The following HEXIM1 variants were observed in gnomAD, a reference collection of about 807,000 sequenced individuals.
The protein encoded by HEXIM1 is protein HEXIM1.
Under a neutral mutation model 30.3 loss-of-function variants are expected in HEXIM1, and 1 was observed. That is an observed-to-expected ratio of 0.03 (90% confidence interval 0.01 to 0.16). HEXIM1 has a LOEUF of 0.16. HEXIM1 is among the 10% of genes least tolerant of loss of function. The pLI, the probability that HEXIM1 is intolerant of heterozygous loss-of-function variation, is 1.00. For synonymous variants in HEXIM1, 245 were observed against 208.3 expected (o/e 1.18, Z -1.52); for missense variants, 391 against 476.4 (o/e 0.82, Z 1.67).
chr17:45,148,870 A>T lies in HEXIM1; in HGVS notation c.-321A>T, dbSNP rs917353981. On this transcript the variant is annotated 5_prime_UTR_variant, in exon 1 of 1. Transcript: ENST00000332499. The stretch of plus-strand genomic sequence containing the variant: ...CTTACCCTCATCACCTTGCTCACCA[A>T]CTCCTTTATTGGGGTGCTCCGCTTG... 2.3e-6 allele frequency: 1 copy of T among 433,740 alleles called. No individual in the cohort carries two copies. The highest frequency in any genetic ancestry group is 4.1e-6 in the Non-Finnish European group (1 of 246,204). The allele number at this position is 433,740 out of a possible 1,614,324, so 26.9% of individuals were successfully genotyped here. A position where few individuals can be genotyped will look rare whatever the true frequency, so the allele number is the denominator to read the frequency against.
chr17:45,148,788 C>A lies in HEXIM1; in HGVS notation c.-403C>A. On this transcript the variant is annotated 5_prime_UTR_variant, in exon 1 of 1. Transcript: ENST00000332499. ...TTAACCCTTTGTGGATCTGGCCCCT[C>A]GGAGGCAGCGTCATCGGTAGTTTTA... 2.5e-6 allele frequency: 1 copy of A among 402,990 alleles called. No individual in the cohort carries two copies. Among genetic ancestry groups the A allele is most frequent in the South Asian group, 1.1e-4 (1 of 8,704 alleles). The allele number at this position is 402,990 out of a possible 1,614,324, so 25.0% of individuals were successfully genotyped here.
In HEXIM1 at chr17:45,149,094, GTTTT is replaced by G. The variant is rs1338554428; in HGVS notation, c.-90_-87del. The G allele has an allele frequency of 7.5e-6, 8 of 1,072,538 alleles. No individual in the cohort carries two copies. Among genetic ancestry groups the G allele is most frequent in the Non-Finnish European group, 1.0e-5 (8 of 783,638 alleles). 66.4% of individuals were successfully genotyped at this position (1,072,538 alleles called of 1,614,324 possible). On this transcript the variant is annotated 5_prime_UTR_variant, in exon 1 of 1. Coordinates refer to ENST00000332499, the MANE Select transcript of HEXIM1 (RefSeq NM_006460.3). The surrounding 1 kb of genome is among the most constrained non-coding windows in gnomAD (Gnocchi z 5.3). ...AAACTGAAGAGGACTCTGTTGGACTGTTTTTTTTTTCTTTTTCTTTTTTTTAAGA... is the reference window on the plus strand; with the variant it reads ...AAACTGAAGAGGACTCTGTTGGACTGTTTTTTCTTTTTCTTTTTTTTAAGA...
At position 45,150,425 on chromosome 17, in the gene HEXIM1, T is replaced by G; in HGVS notation, c.*155T>G. On this transcript the variant is annotated 3_prime_UTR_variant, in exon 1 of 1. Coordinates refer to ENST00000332499, the MANE Select transcript of HEXIM1 (RefSeq NM_006460.3). ...TTGGTTTCGTAAATTTAGCTATATG[T>G]AGCTTGCGTGCTTTCTCCTGTTCTT... 5 of 763,380 alleles carry G rather than the reference T, an allele frequency of 6.5e-6. No homozygotes were observed. Among genetic ancestry groups the G allele is most frequent in the South Asian group, 2.0e-5 (1 of 49,696 alleles). 47.3% of individuals were successfully genotyped at this position (763,380 alleles called of 1,614,324 possible).
At position 45,149,081 on chromosome 17, in the gene HEXIM1, AC is replaced by A. The variant is rs1273374430; in HGVS notation, c.-109del. 3.7e-4 allele frequency: 410 copies of A among 1,095,394 alleles called. No homozygotes were observed. Among genetic ancestry groups the A allele is most frequent in the Non-Finnish European group, 5.0e-4 (390 of 773,942 alleles). The allele number at this position is 1,095,394 out of a possible 1,614,324, so 67.9% of individuals were successfully genotyped here. ...CTGCAGGAATTACAAACTGAAGAGG[AC>A]TCTGTTGGACTGTTTTTTTTTTCTT... On this transcript the variant is annotated 5_prime_UTR_variant, in exon 1 of 1. Coordinates refer to ENST00000332499, the MANE Select transcript of HEXIM1 (RefSeq NM_006460.3). The surrounding 1 kb of genome is among the most constrained non-coding windows in gnomAD (Gnocchi z 5.3).
Position 45,149,196 on chromosome 17 carries a change from C to G in HEXIM1, c.6C>G (p.Ala2=). Residue 2 remains alanine, a synonymous_variant, in exon 1 of 1, where the codon GCC becomes GCG. Coordinates refer to ENST00000332499, the MANE Select transcript of HEXIM1 (RefSeq NM_006460.3). This position sits in a 1 kb window ranked among gnomAD's most constrained non-coding sequence, Gnocchi z 5.3. M[A]EPFLSEYQHQ... is the part of the protein sequence containing the mutation. ...CTTCGAGGACTCTACTAGCCATGGCCGAGCCATTCTTGTCAGAATATCAAC... is the reference window on the plus strand; with the variant it reads ...CTTCGAGGACTCTACTAGCCATGGCGGAGCCATTCTTGTCAGAATATCAAC... 2 of 1,609,714 alleles carry G rather than the reference C, an allele frequency of 1.2e-6. No homozygotes were observed.
rs1323219016 is a variant in HEXIM1 at position 45,149,923 on chromosome 17, G to A, written c.733G>A (p.Gly245Arg). 6 of 1,613,776 alleles carry A rather than the reference G, an allele frequency of 3.7e-6. No homozygotes were observed. The highest frequency in any genetic ancestry group is 2.2e-5 in the East Asian group (1 of 44,884). Residue 245 changes from glycine (G) to arginine (R), a missense_variant, in exon 1 of 1, where the codon GGG becomes AGG. Gly to Arg is a moderately radical substitution (Grantham distance 125). Coordinates refer to ENST00000332499, the MANE Select transcript of HEXIM1 (RefSeq NM_006460.3). The surrounding 1 kb of genome is among the most constrained non-coding windows in gnomAD (Gnocchi z 5.3). ...CAGCGATGACGACTTCATGGAAGAA[G>A]GGGGTGAGGAGGATGGGGGCAGCGA... ...DTSDDDFMEE[G>R]GEEDGGSDGM...
rs1194073408 is a variant in HEXIM1 at position 45,148,495 on chromosome 17, T to C, written c.-696T>C. ...GAGACAGCAGTTGGAAGTTGGCAGG[T>C]GGAGAGGCAGGTTGGGAGGGAAAGT... On this transcript the variant is annotated 5_prime_UTR_variant, in exon 1 of 1. Transcript: ENST00000332499. 1 of 354,848 alleles carries C rather than the reference T, an allele frequency of 2.8e-6. No homozygotes were observed. The highest frequency in any genetic ancestry group is 4.8e-6 in the Non-Finnish European group (1 of 209,516). 22.0% of individuals were successfully genotyped at this position (354,848 alleles called of 1,614,324 possible).
In HEXIM1 at chr17:45,150,521, G is replaced by A. The variant is rs1361275470; in HGVS notation, c.*251G>A. ...AGAAGTTTTTTTCCTTAATGTGAAA[G>A]TAATTTGACCAAGTTATAATGCATT... On this transcript the variant is annotated 3_prime_UTR_variant, in exon 1 of 1. Coordinates refer to ENST00000332499, the MANE Select transcript of HEXIM1 (RefSeq NM_006460.3). The A allele has an allele frequency of 2.1e-6, 1 of 476,920 alleles. No individual in the cohort carries two copies. Among genetic ancestry groups the A allele is most frequent in the Non-Finnish European group, 3.8e-6 (1 of 264,398 alleles). The allele number at this position is 476,920 out of a possible 1,614,324, so 29.5% of individuals were successfully genotyped here. A position where few individuals can be genotyped will look rare whatever the true frequency, so the allele number is the denominator to read the frequency against.
chr17:45,150,434 T>A lies in HEXIM1; in HGVS notation c.*164T>A. ...TAAATTTAGCTATATGTAGCTTGCG[T>A]GCTTTCTCCTGTTCTTTTAATTATG... On this transcript the variant is annotated 3_prime_UTR_variant, in exon 1 of 1. Coordinates refer to ENST00000332499, the MANE Select transcript of HEXIM1 (RefSeq NM_006460.3). 2.9e-6 allele frequency: 2 copies of A among 696,774 alleles called. No individual in the cohort carries two copies. The highest frequency in any genetic ancestry group is 4.7e-6 in the Non-Finnish European group (2 of 422,678). 43.2% of individuals were successfully genotyped at this position (696,774 alleles called of 1,614,324 possible). A position where few individuals can be genotyped will look rare whatever the true frequency, so the allele number is the denominator to read the frequency against.
At position 45,149,348 on chromosome 17, in the gene HEXIM1, C is replaced by T. The variant is rs1180267674; in HGVS notation, c.158C>T (p.Pro53Leu). Reference protein sequence around the residue: ...EDSRWQSRAFPQLGGRPGPEG... With the variant: ...EDSRWQSRAFLQLGGRPGPEG... Reference sequence around the variant, plus strand: ...AGTAGGTGGCAATCGAGAGCGTTCCCCCAGTTGGGTGGCCGTCCGGGGCCG... The same window carrying T: ...AGTAGGTGGCAATCGAGAGCGTTCCTCCAGTTGGGTGGCCGTCCGGGGCCG... Residue 53 changes from proline (P) to leucine (L), a missense_variant, in exon 1 of 1, where the codon CCC (proline) becomes CTC (leucine). Pro to Leu is a moderately conservative substitution (Grantham distance 98, BLOSUM62 -3). Around this residue, in one of 5 missense-constraint regions of HEXIM1, gnomAD observed 230 missense variants for 199.4 expected, o/e 1.15. Transcript: ENST00000332499. The surrounding 1 kb of genome is among the most constrained non-coding windows in gnomAD (Gnocchi z 5.3). 3.1e-6 allele frequency: 5 copies of T among 1,613,414 alleles called. No homozygotes were observed. Among genetic ancestry groups the T allele is most frequent in the Middle Eastern group, 1.6e-4 (1 of 6,082 alleles).
In HEXIM1 at chr17:45,151,887, GGTGATAGGGACTTCAA is replaced by G. The variant is rs2055549773; in HGVS notation, c.*1619_*1634del. On this transcript the variant is annotated 3_prime_UTR_variant, in exon 1 of 1. Transcript: ENST00000332499. ...TTTGCAGTTAAATGGCGATGGTGGA[GGTGATAGGGACTTCAA>G]GAGTAAAATGCACCTTGTATTGCAT... The G allele has an allele frequency of 6.0e-6, 1 of 167,102 alleles. No homozygotes were observed. The highest frequency in any genetic ancestry group is 1.5e-5 in the Non-Finnish European group (1 of 68,116). The allele number at this position is 167,102 out of a possible 1,614,324, so 10.4% of individuals were successfully genotyped here.
rs1395306876 is a variant in HEXIM1 at position 45,151,864 on chromosome 17, T to A, written c.*1594T>A. 1 of 167,132 alleles carries A rather than the reference T, an allele frequency of 6.0e-6. No individual in the cohort carries two copies. Among genetic ancestry groups the A allele is most frequent in the African/African-American group, 2.4e-5 (1 of 41,472 alleles). 10.4% of individuals were successfully genotyped at this position (167,132 alleles called of 1,614,324 possible). A position where few individuals can be genotyped will look rare whatever the true frequency, so the allele number is the denominator to read the frequency against. On this transcript the variant is annotated 3_prime_UTR_variant, in exon 1 of 1. Coordinates refer to ENST00000332499, the MANE Select transcript of HEXIM1 (RefSeq NM_006460.3). ...ACCCTCCCATTAGGAAGCATGCTTT[T>A]GCAGTTAAATGGCGATGGTGGAGGT...
Position 45,149,798 on chromosome 17 carries a change from A to C in HEXIM1, c.608A>C (p.Tyr203Ser), listed in dbSNP as rs778315232. Residue 203 changes from tyrosine (Y) to serine (S), a missense_variant, in exon 1 of 1, where the codon TAT becomes TCT. Around this residue, in one of 5 missense-constraint regions of HEXIM1, gnomAD observed 30 missense variants for 88.1 expected, o/e 0.34. Transcript: ENST00000332499. This position sits in a 1 kb window ranked among gnomAD's most constrained non-coding sequence, Gnocchi z 5.3. ...GCCAAGGGCCAGCCGGTCGCGCCCTATAACACCACGCAGTTCCTCATGGAT... is the reference window on the plus strand; with the variant it reads ...GCCAAGGGCCAGCCGGTCGCGCCCTCTAACACCACGCAGTTCCTCATGGAT... ...MFAKGQPVAPYNTTQFLMDDH... is the reference protein window; with the variant it reads ...MFAKGQPVAPSNTTQFLMDDH... The C allele has an allele frequency of 6.2e-7, 1 of 1,613,816 alleles. No homozygotes were observed. Among genetic ancestry groups the C allele is most frequent in the Non-Finnish European group, 8.5e-7 (1 of 1,180,020 alleles).
chr17:45,149,935 G>A lies in HEXIM1; in HGVS notation c.745G>A (p.Asp249Asn). 1.9e-6 allele frequency: 3 copies of A among 1,613,928 alleles called. No homozygotes were observed. The highest frequency in any genetic ancestry group is 1.1e-5 in the South Asian group (1 of 91,078). Residue 249 changes from aspartate (D) to asparagine (N), a missense_variant, in exon 1 of 1, where the codon GAT becomes AAT. Coordinates refer to ENST00000332499, the MANE Select transcript of HEXIM1 (RefSeq NM_006460.3). The surrounding 1 kb of genome is among the most constrained non-coding windows in gnomAD (Gnocchi z 5.3). The stretch of plus-strand genomic sequence containing the variant: ...CTTCATGGAAGAAGGGGGTGAGGAG[G>A]ATGGGGGCAGCGATGGGATGGGAGG... ...DDFMEEGGEE[D>N]GGSDGMGGDG...
rs2144012452 is a variant in HEXIM1 at position 45,149,101 on chromosome 17, T to C, written c.-90T>C. 4 of 1,284,238 alleles carry C rather than the reference T, an allele frequency of 3.1e-6. No homozygotes were observed. Among genetic ancestry groups the C allele is most frequent in the East Asian group, 2.4e-5 (1 of 42,528 alleles). The allele number at this position is 1,284,238 out of a possible 1,614,324, so 79.6% of individuals were successfully genotyped here. A position where few individuals can be genotyped will look rare whatever the true frequency, so the allele number is the denominator to read the frequency against. On this transcript the variant is annotated 5_prime_UTR_variant, in exon 1 of 1. Coordinates refer to ENST00000332499, the MANE Select transcript of HEXIM1 (RefSeq NM_006460.3). The surrounding 1 kb of genome is among the most constrained non-coding windows in gnomAD (Gnocchi z 5.3). ...AGAGGACTCTGTTGGACTGTTTTTT[T>C]TTTCTTTTTCTTTTTTTTAAGAAAA... is the stretch of plus-strand genomic sequence containing the variant.
chr17:45,149,946 C>T lies in HEXIM1; in HGVS notation c.756C>T (p.Ser252=). Residue 252 remains serine, a synonymous_variant, in exon 1 of 1, where the codon AGC becomes AGT. Coordinates refer to ENST00000332499, the MANE Select transcript of HEXIM1 (RefSeq NM_006460.3). This position sits in a 1 kb window ranked among gnomAD's most constrained non-coding sequence, Gnocchi z 5.3. ...MEEGGEEDGG[S]DGMGGDGSEF... ...AAGGGGGTGAGGAGGATGGGGGCAG[C>T]GATGGGATGGGAGGGGACGGCAGCG... 1 of 1,613,664 alleles carries T rather than the reference C, an allele frequency of 6.2e-7. No homozygotes were observed. Among genetic ancestry groups the T allele is most frequent in the Non-Finnish European group, 8.5e-7 (1 of 1,179,954 alleles).
In HEXIM1 at chr17:45,149,270, A is replaced by T. The variant is rs2055527589; in HGVS notation, c.80A>T (p.Glu27Val). Reference sequence around the variant, plus strand: ...ACAGGTGCTGCTGCTGTCCAGGAAGAGCTGAACCCTGAGCGCCCCCCAGGC... The same window carrying T: ...ACAGGTGCTGCTGCTGTCCAGGAAGTGCTGAACCCTGAGCGCCCCCCAGGC... ...NCTGAAAVQE[E>V]LNPERPPGAE... Residue 27 changes from glutamate to valine, a missense_variant, in exon 1 of 1, where the codon GAG becomes GTG. Glu to Val is a moderately radical substitution (Grantham distance 121). Around this residue, in one of 5 missense-constraint regions of HEXIM1, gnomAD observed 230 missense variants for 199.4 expected, o/e 1.15. Transcript: ENST00000332499. This position sits in a 1 kb window ranked among gnomAD's most constrained non-coding sequence, Gnocchi z 5.3. 6.2e-7 allele frequency: 1 copy of T among 1,613,736 alleles called. No homozygotes were observed. Among genetic ancestry groups the T allele is most frequent in the Admixed American group, 1.7e-5 (1 of 60,000 alleles).
Position 45,148,515 on chromosome 17 carries a change from G to C in HEXIM1, c.-676G>C, listed in dbSNP as rs542656848. 1 of 381,938 alleles carries C rather than the reference G, an allele frequency of 2.6e-6. No individual in the cohort carries two copies. 23.7% of individuals were successfully genotyped at this position (381,938 alleles called of 1,614,324 possible). A position where few individuals can be genotyped will look rare whatever the true frequency, so the allele number is the denominator to read the frequency against. On this transcript the variant is annotated 5_prime_UTR_variant, in exon 1 of 1. Coordinates refer to ENST00000332499, the MANE Select transcript of HEXIM1 (RefSeq NM_006460.3). ...GCAGGTGGAGAGGCAGGTTGGGAGGGAAAGTCGGGGGAGGACGCGGAAGAG... is the reference window on the plus strand; with the variant it reads ...GCAGGTGGAGAGGCAGGTTGGGAGGCAAAGTCGGGGGAGGACGCGGAAGAG...
Position 45,150,255 on chromosome 17 carries a change from C to A in HEXIM1, c.1065C>A (p.Ser355=). ...LHRQQERAPL[S]KFGD is the part of the protein sequence containing the mutation. ...GGCAGCAGGAGCGAGCGCCGCTTTCCAAGTTTGGAGACTAGACTGAAACTT... is the reference window on the plus strand; with the variant it reads ...GGCAGCAGGAGCGAGCGCCGCTTTCAAAGTTTGGAGACTAGACTGAAACTT... Residue 355 remains serine (S), a synonymous_variant, in exon 1 of 1, where the codon TCC becomes TCA. Transcript: ENST00000332499. 2 of 1,608,848 alleles carry A rather than the reference C, an allele frequency of 1.2e-6. No homozygotes were observed. Among genetic ancestry groups the A allele is most frequent in the Admixed American group, 1.7e-5 (1 of 59,906 alleles).
Sources: gnomAD v4.1 joint callset for allele counts on GRCh38, gnomAD v4.1.1 for gene constraint, gnomAD v4.1.1 regional missense constraint, Gnocchi (gnomAD v3.1) non-coding constraint, MANE v1.5 for transcripts, NCBI Gene and HGNC (gene_info 2026-07-23, HGNC 2026-07-21) for gene names.